Variants in KIF6 observed in about 807,000 individuals in gnomAD.
KIF6 encodes the protein kinesin family member 6, also known as kinesin-like protein KIF6.
In KIF6, 106 loss-of-function variants were observed where a neutral mutation model predicts 112.7. That is an observed-to-expected ratio of 0.94 (90% CI 0.80 to 1.11). The LOEUF (loss-of-function observed/expected upper bound fraction) is 1.11. Among genes scored for constraint, KIF6 ranks in the 50% least tolerant of loss-of-function variants. The pLI is 0.00. For synonymous variants in KIF6, 339 were observed against 339.9 expected (o/e 1.00, Z 0.03); for missense variants, 929 against 964.0 (o/e 0.96, Z 0.48).
intron 13 of KIF6, among the ~76,000 whole-genome samples, chr6:39,490,041 A>G (rs1434870480): frequency 1.3e-5 from 2 of 152,254 alleles, no homozygotes; most frequent in Non-Finnish European, 1.5e-5. Flanking sequence ...TTTGGCCTGT[A>G]GTATCTTTCC....
intron 1 of KIF6, 73 bp downstream of exon 1, chr6:39,725,172 C>T: frequency 7.3e-7 from 1 of 1,367,662 alleles, no homozygotes; most frequent in Non-Finnish European, 1.0e-6. Flanking sequence ...CGCCCAGCCC[C>T]TTCGCGTGCC....
chr6:39,346,104 C>CTCT (rs1562113095), intron 20 of KIF6, among the ~76,000 whole-genome samples: 12 of 40,986 alleles, frequency 2.9e-4, no homozygotes, highest in East Asian at 3.1e-3. Flanking sequence ...TCTCCCTCCC[C>CTCT]CCCTCCCTCT....
intron 16 of KIF6, among the ~76,000 whole-genome samples, chr6:39,369,209 T>C (rs1765785093): frequency 6.6e-6 from 1 of 152,212 alleles, no homozygotes; most frequent in Non-Finnish European, 1.5e-5. Context: ...TCAAATTTAC[T>C]GTCAGCTGGA....
At chr6:39,636,382 T>A (rs1784624360) in intron 4 of KIF6, among the ~76,000 whole-genome samples, 1 of 151,968 alleles carries the variant, frequency 6.6e-6, no homozygotes, top group African/African-American at 2.4e-5. Context: ...ATGGACCGAA[T>A]TACCAAGCAA....
intron 14 of KIF6, among the ~76,000 whole-genome samples, chr6:39,424,952 G>A (rs991926584): frequency 6.6e-6 from 1 of 152,204 alleles, no homozygotes; most frequent in Admixed American, 6.5e-5. Flanking sequence ...TGAATCTGAC[G>A]TTAACTTCCA....
At position 39,567,062 on chromosome 6, in the gene KIF6, A is replaced by G. The variant is rs11751727; in HGVS notation, c.1181+10994T>C. ...ATGAGTGTATGTTCTAAAGAGGGTCATTAAAACATGATTTGCTTCTTTGTT... is the reference window on the plus strand; with the variant it reads ...ATGAGTGTATGTTCTAAAGAGGGTCGTTAAAACATGATTTGCTTCTTTGTT... On this transcript the variant is annotated intron_variant, in intron 10 of 22. Coordinates refer to ENST00000287152, the MANE Select transcript of KIF6 (RefSeq NM_145027.6). Among the ~76,000 whole-genome samples the G allele has an allele frequency of 8.2e-3, 1,243 of 152,322 alleles. 8 individuals are homozygous for G. The highest frequency in any genetic ancestry group is 0.013 in the Non-Finnish European group (917 of 68,020).
chr6:39,426,524 G>A (rs923413290), intron 14 of KIF6, among the ~76,000 whole-genome samples: 1 of 152,170 alleles, frequency 6.6e-6, no homozygotes, highest in African/African-American at 2.4e-5. Flanking sequence ...CCCAGGGAGG[G>A]GGGAGGATCA....
chr6:39,620,750 TTTTATTTATTTA>T (rs71543964), intron 5 of KIF6, among the ~76,000 whole-genome samples: 8 of 148,526 alleles, frequency 5.4e-5, no homozygotes, highest in Non-Finnish European at 8.9e-5. Flanking sequence ...CTTAACAACA[TTTTATTTATTTA>T]TTTATTTATT....
chr6:39,594,101 C>T (rs1221020250), intron 7 of KIF6, among the ~76,000 whole-genome samples: 1 of 151,830 alleles, frequency 6.6e-6, no homozygotes, highest in African/African-American at 2.4e-5. Flanking sequence ...TGCCACATAG[C>T]CCCCAAGACT....
chr6:39,448,115 GAC>G (rs1772444691), intron 13 of KIF6, among the ~76,000 whole-genome samples: 1 of 152,062 alleles, frequency 6.6e-6, no homozygotes. Flanking sequence ...GGTCTCTGGG[GAC>G]CAGAGCTCCT....
rs745965850 is a variant in KIF6, at chr6:39,661,613, C to T, written c.252-21856G>A. 3.0e-4 allele frequency among the ~76,000 whole-genome samples: 45 copies of T among 152,002 alleles called. 1 individual carries two copies. The highest frequency in any genetic ancestry group is 4.9e-4 in the Non-Finnish European group (33 of 68,018). ...CTGAGAGGAAATAAAAATCAAACAT[C>T]AGAAAAGGAGTTAAAAGGGCATGCA... On this transcript the variant is annotated intron_variant, in intron 3 of 22. Coordinates refer to ENST00000287152, the MANE Select transcript of KIF6 (RefSeq NM_145027.6).
chr6:39,512,663 T>A (rs769693888), intron 13 of KIF6, among the ~76,000 whole-genome samples: 1 of 152,186 alleles, frequency 6.6e-6, no homozygotes, highest in South Asian at 2.1e-4. Flanking sequence ...ATTGCTTTCA[T>A]TTCCCATCAG....
chr6:39,723,750 G>T (rs1049143574), intron 1 of KIF6, among the ~76,000 whole-genome samples: 3 of 152,130 alleles, frequency 2.0e-5, no homozygotes, highest in Non-Finnish European at 2.9e-5. Context: ...GTCGTGGGGT[G>T]GGAGGCTACG....
intron 16 of KIF6, among the ~76,000 whole-genome samples, chr6:39,365,220 T>C (rs901869611): frequency 6.6e-6 from 1 of 152,202 alleles, no homozygotes; most frequent in East Asian, 1.9e-4. Flanking sequence ...ACCCCCCTTT[T>C]CCTTATGTCA....
chr6:39,339,337 T>G (rs1763197913), intron 22 of KIF6, among the ~76,000 whole-genome samples: 2 of 151,990 alleles, frequency 1.3e-5, no homozygotes, highest in African/African-American at 4.8e-5. Context: ...TGACAGACAG[T>G]GAGAGGGAGG....
intron 4 of KIF6, among the ~76,000 whole-genome samples, chr6:39,637,603 G>T (rs1056666745): frequency 2.0e-5 from 3 of 151,912 alleles, no homozygotes; most frequent in Non-Finnish European, 4.4e-5. Flanking sequence ...ACTTTGCATA[G>T]GTCAAATGTT....
In KIF6 at chr6:39,567,685, C is replaced by G. The variant is rs190538849; in HGVS notation, c.1181+10371G>C. On this transcript the variant is annotated intron_variant, in intron 10 of 22. Coordinates refer to ENST00000287152, the MANE Select transcript of KIF6 (RefSeq NM_145027.6). The stretch of plus-strand genomic sequence containing the variant: ...TGCAGTGGCGCTATCTCGGCTCACT[C>G]CAAGCTCCGCCTCTTGGGTTCACAC... Among the ~76,000 whole-genome samples the G allele has an allele frequency of 1.4e-4, 21 of 151,622 alleles. No individual in the cohort carries two copies. In the East Asian group the frequency reaches 2.3e-3, roughly 17 times the overall value.
At chr6:39,675,234 C>T in intron 3 of KIF6, among the ~76,000 whole-genome samples, 1 of 151,946 alleles carries the variant, frequency 6.6e-6, no homozygotes, top group Non-Finnish European at 1.5e-5. Context: ...GGGTCTTAGG[C>T]CAATAGGGAG....
At chr6:39,379,710 C>A (rs1380496180) in intron 16 of KIF6, among the ~76,000 whole-genome samples, 1 of 152,156 alleles carries the variant, frequency 6.6e-6, no homozygotes, top group Non-Finnish European at 1.5e-5. Flanking sequence ...TCTTTTTATG[C>A]ACATGTCAAC....
Sources: gnomAD v4.1 joint callset for allele counts (sites outside exome capture counted in the v4.1 genomes callset) on GRCh38, gnomAD v4.1.1 for gene constraint, MANE v1.5 for transcripts, NCBI Gene and HGNC (gene_info 2026-07-23, HGNC 2026-07-21) for gene names.